Variants in LAMA5 observed in about 807,000 individuals in gnomAD.
The protein encoded by LAMA5 is laminin subunit alpha 5, also known as laminin subunit alpha-5.
In LAMA5, 260 loss-of-function variants were observed where a neutral mutation model predicts 433.4. The observed-to-expected ratio is 0.60, with a 90% CI of 0.54 to 0.66. The LOEUF is 0.66. LAMA5 is among the 30% of genes least tolerant of loss of function. The pLI, the probability that LAMA5 is intolerant of heterozygous loss-of-function variation, is 0.00. For synonymous variants in LAMA5, 2,620 were observed against 2,226.6 expected, an observed-to-expected ratio of 1.18 and a Z score of -4.97; for missense variants, 5,378 against 5,258.5, an observed-to-expected ratio of 1.02 and a Z score of -0.70.
At chr20:62,329,721 G>A in intron 32 of LAMA5, 56 bp downstream of exon 32, 2 of 1,597,054 alleles carry the variant, frequency 1.3e-6, no homozygotes, top group African/African-American at 2.7e-5. Context: ...TACCACAGTG[G>A]TAATGACAAG....
chr20:62,316,869 T>C lies in LAMA5; in HGVS notation c.7653+13A>G, dbSNP rs1375066170. The C allele has an allele frequency of 8.5e-6, 13 of 1,531,082 alleles. No individual in the cohort carries two copies. Among genetic ancestry groups the C allele is most frequent in the Non-Finnish European group, 1.1e-5 (13 of 1,138,264 alleles). 94.8% of individuals were successfully genotyped at this position (1,531,082 alleles called of 1,614,324 possible). On this transcript the variant is annotated intron_variant, in intron 56 of 79. Coordinates refer to ENST00000252999, the MANE Select transcript of LAMA5 (RefSeq NM_005560.6). Reference sequence around the variant, plus strand: ...CGCTCCTGCTGGGGCTGAGGGGAAGTGAGGGGCCTCACCGCCCACGTGTGG... The same window carrying C: ...CGCTCCTGCTGGGGCTGAGGGGAAGCGAGGGGCCTCACCGCCCACGTGTGG...
chr20:62,309,603 T>TGGGAGGAGGGTGGGAGGGGACAGG, intron 79 of LAMA5, 113 bp downstream of exon 79: 2 of 283,608 alleles, frequency 7.1e-6, no homozygotes, highest in Non-Finnish European at 1.2e-5. Flanking sequence ...GGTAGGGGGG[T>TGGGAGGAGGGTGGGAGGGGACAGG]GGGAGGAGGG....
chr20:62,346,081 G>A lies in LAMA5; in HGVS notation c.1417C>T (p.Pro473Ser), dbSNP rs763306621. 4.9e-5 allele frequency: 79 copies of A among 1,612,934 alleles called. No homozygotes were observed. The highest frequency in any genetic ancestry group is 3.3e-4 in the Middle Eastern group (2 of 6,058). ...TTGGATGCCCCTGGCAGGTGCTCAC[G>A]GTAGCAGCTTGGGAAGCCCGTGAAG... ...EGFTGFPSCY[P>S]TPSSSNDTRE... Residue 473 changes from proline to serine, a missense_variant and splice_region_variant, in exon 10 of 80, where the codon CCG (proline) becomes TCG (serine). Transcript: ENST00000252999.
In LAMA5 at chr20:62,351,723, C is replaced by A; in HGVS notation, c.937G>T (p.Asp313Tyr). ...HGHADACDAK[D>Y]PTDPFRLQCT... ...CCTCACCTGAACGGGTCCGTGGGGT[C>A]TTTGGCATCGCAGGCATCCGCGTGG... The change falls in exon 6 of 80, where the codon GAC (aspartate) becomes TAC (tyrosine). Residue 313 changes from aspartate to tyrosine, a missense_variant. Coordinates refer to ENST00000252999, the MANE Select transcript of LAMA5 (RefSeq NM_005560.6). 6.2e-7 allele frequency: 1 copy of A among 1,611,920 alleles called. No individual in the cohort carries two copies. The highest frequency in any genetic ancestry group is 8.5e-7 in the Non-Finnish European group (1 of 1,179,798).
At position 62,311,504 on chromosome 20, in the gene LAMA5, T is replaced by C; in HGVS notation, c.9839A>G (p.Gln3280Arg). The C allele has an allele frequency of 1.2e-6, 2 of 1,611,296 alleles. No homozygotes were observed. ...CACATTGACGCTGCCCAGGTTCTGC[T>C]GCAGATCAAATACGCGCTGTGGGCC... is the stretch of plus-strand genomic sequence containing the variant. ...LLGPQRVFDL[Q>R]QNLGSVNVST... Residue 3280 changes from glutamine to arginine, a missense_variant, in exon 72 of 80, where the codon CAG becomes CGG. Physicochemically the swap from Gln to Arg is conservative, Grantham distance 43. Transcript: ENST00000252999.
At position 62,326,220 on chromosome 20, in the gene LAMA5, A is replaced by AAAAC. The variant is rs1433370443; in HGVS notation, c.5298+453_5298+456dup. ...GGGCGACAGAGCAAGACTGTCTCAA[A>AAAAC]AAACAAACAAACAAAAAAAAAAAAA... On this transcript the variant is annotated intron_variant, in intron 40 of 79. Transcript: ENST00000252999. 6.6e-4 allele frequency among the ~76,000 whole-genome samples: 51 copies of AAAAC among 77,378 alleles called. 1 individual carries two copies. Among genetic ancestry groups the AAAAC allele is most frequent in the African/African-American group, 1.4e-3 (40 of 27,814 alleles). 50.8% of individuals were successfully genotyped at this position (77,378 alleles called of 152,430 possible).
chr20:62,341,462 G>A (rs575794833), intron 11 of LAMA5, among the ~76,000 whole-genome samples: 92 of 152,298 alleles, frequency 6.0e-4, no homozygotes, highest in African/African-American at 2.1e-3. Context: ...GTCCTGTGTT[G>A]TAGGAGGTTC....
At position 62,311,270 on chromosome 20, in the gene LAMA5, G is replaced by C; in HGVS notation, c.9980C>G (p.Ala3327Gly). 6.2e-7 allele frequency: 1 copy of C among 1,602,052 alleles called. No homozygotes were observed. ...RRSRQPARHP[A>G]CMLPPHLRTT... is the part of the protein sequence containing the mutation. ...CCTGAGGTGTGGGGGCAGCATGCAG[G>C]CAGGATGCCGGGCGGGCTGACGGCT... Residue 3327 changes from alanine to glycine, a missense_variant, in exon 73 of 80, where the codon GCC becomes GGC. By Grantham distance (60) the Ala-to-Gly change is moderately conservative. Coordinates refer to ENST00000252999, the MANE Select transcript of LAMA5 (RefSeq NM_005560.6).
In LAMA5 at chr20:62,311,553, G is replaced by T. The variant is rs374979489; in HGVS notation, c.9807-17C>A. The T allele has an allele frequency of 1.6e-5, 26 of 1,609,490 alleles. No individual in the cohort carries two copies. In the Middle Eastern group the frequency reaches 5.0e-4, roughly 31 times the overall value. ...CCCAGGAGCCTGTGCAGGGCGGGCA[G>T]GCGGTCAGCAGCTGCGGAAGGCCAG... On this transcript the variant is annotated splice_polypyrimidine_tract_variant and intron_variant, in intron 71 of 79. Transcript: ENST00000252999.
At position 62,318,941 on chromosome 20, in the gene LAMA5, G is replaced by A. The variant is rs550786315; in HGVS notation, c.6944C>T (p.Thr2315Ile). Residue 2315 changes from threonine to isoleucine, a missense_variant, in exon 52 of 80, where the codon ACA becomes ATA. Physicochemically the swap from Thr to Ile is moderately conservative, Grantham distance 89. Coordinates refer to ENST00000252999, the MANE Select transcript of LAMA5 (RefSeq NM_005560.6). Reference sequence around the variant, plus strand: ...GAGCAGCCGCTCCACCTCGGCCAGTGTCCGGAGCAGCTGCTCACCTGATGG... The same window carrying A: ...GAGCAGCCGCTCCACCTCGGCCAGTATCCGGAGCAGCTGCTCACCTGATGG... ...SAPSGEQLLR[T>I]LAEVERLLWE... is the part of the protein sequence containing the mutation. 1.3e-5 allele frequency: 21 copies of A among 1,598,104 alleles called. No homozygotes were observed. In the East Asian group the frequency reaches 2.9e-4, roughly 22 times the overall value.
intron 18 of LAMA5, 152 bp downstream of exon 18, chr20:62,336,188 G>A (rs1981592613): frequency 1.9e-6 from 1 of 536,342 alleles, no homozygotes; most frequent in Non-Finnish European, 3.3e-6. Context: ...TACAATCCCC[G>A]AGGAACCCCA....
chr20:62,333,204 G>A lies in LAMA5; in HGVS notation c.3168C>T (p.Pro1056=), dbSNP rs759677737. ...LYTHLPLDGF[P]SAAGLEALCR... is the part of the protein sequence containing the mutation. Reference sequence around the variant, plus strand: ...ACAGGGCCTCCAGCCCGGCGGCCGAGGGGAAGCCATCCAGGGGGAGGTGTG... The same window carrying A: ...ACAGGGCCTCCAGCCCGGCGGCCGAAGGGAAGCCATCCAGGGGGAGGTGTG... Residue 1056 remains proline, a synonymous_variant, in exon 26 of 80, where the codon CCC becomes CCT. Transcript: ENST00000252999. The A allele has an allele frequency of 1.7e-5, 26 of 1,523,082 alleles. No individual in the cohort carries two copies. The highest frequency in any genetic ancestry group is 2.2e-5 in the Non-Finnish European group (25 of 1,135,200). The allele number at this position is 1,523,082 out of a possible 1,614,324, so 94.3% of individuals were successfully genotyped here.
chr20:62,356,652 G>C (rs546256481), intron 2 of LAMA5, among the ~76,000 whole-genome samples: 1 of 152,148 alleles, frequency 6.6e-6, no homozygotes, highest in Non-Finnish European at 1.5e-5. Flanking sequence ...GCCTCACAGG[G>C]GGTGGGCAAG....
chr20:62,352,856 C>T (rs975599892), intron 3 of LAMA5: 59 of 423,494 alleles, frequency 1.4e-4, no homozygotes, highest in Non-Finnish European at 1.7e-4. Context: ...TTTGTCACCA[C>T]GGGAGCTGCC....
chr20:62,338,320 G>C lies in LAMA5; in HGVS notation c.1668C>G (p.Asp556Glu). The C allele has an allele frequency of 6.2e-7, 1 of 1,608,268 alleles. No individual in the cohort carries two copies. The highest frequency in any genetic ancestry group is 2.2e-5 in the East Asian group (1 of 44,706). ...CCACTCGGCACCTGCACTGGCCTGTGTCAGGGTCACAGCGGTCATCGGCCA... is the reference window on the plus strand; with the variant it reads ...CCACTCGGCACCTGCACTGGCCTGTCTCAGGGTCACAGCGGTCATCGGCCA... ...PGVADDRCDPDTGQCRCRVGF... is the reference protein window; with the variant it reads ...PGVADDRCDPETGQCRCRVGF... The change falls in exon 13 of 80, where the codon GAC becomes GAG. Residue 556 changes from aspartate to glutamate, a missense_variant. Transcript: ENST00000252999.
rs202119339 is a variant in LAMA5, at chr20:62,314,320, C to G, written c.8488G>C (p.Ala2830Pro). ...GCCTCCCACCTGTCCAGGCTGACAG[C>G]TGCGAACTGCTCCCCAATGTCCTCA... ...IDEDIGEQFA[A>P]VSLDRTLQFG... Residue 2830 changes from alanine to proline, a missense_variant, in exon 62 of 80, where the codon GCT becomes CCT. Coordinates refer to ENST00000252999, the MANE Select transcript of LAMA5 (RefSeq NM_005560.6). 1 of 1,613,084 alleles carries G rather than the reference C, an allele frequency of 6.2e-7. No homozygotes were observed. Among genetic ancestry groups the G allele is most frequent in the African/African-American group, 1.3e-5 (1 of 74,874 alleles).
rs376781670 is a variant in LAMA5, at chr20:62,337,920, C to T, written c.1910G>A (p.Arg637Gln). Residue 637 changes from arginine to glutamine, a missense_variant, in exon 15 of 80, where the codon CGG becomes CAG. Coordinates refer to ENST00000252999, the MANE Select transcript of LAMA5 (RefSeq NM_005560.6). Reference protein sequence around the residue: ...PNCQACTCDPRGALDQLCGAG... With the variant: ...PNCQACTCDPQGALDQLCGAG... ...CCCACAGAGCTGGTCCAGGGCTCCCCGAGGGTCGCAGGTGCATGCTGCAGA... is the reference window on the plus strand; with the variant it reads ...CCCACAGAGCTGGTCCAGGGCTCCCTGAGGGTCGCAGGTGCATGCTGCAGA... The T allele has an allele frequency of 9.9e-5, 159 of 1,610,296 alleles. 1 individual carries two copies. Among genetic ancestry groups the T allele is most frequent in the African/African-American group, 4.1e-4 (31 of 74,848 alleles).
intron 31 of LAMA5, 80 bp downstream of exon 31, chr20:62,330,405 GGTA>G: frequency 2.8e-6 from 4 of 1,441,792 alleles, no homozygotes; most frequent in Non-Finnish European, 3.7e-6. Context: ...GCTCATAGCA[GGTA>G]GCACAGGCCA....
At position 62,352,071 on chromosome 20, in the gene LAMA5, C is replaced by T. The variant is rs763890097; in HGVS notation, c.696G>A (p.Val232=). 10 of 1,611,714 alleles carry T rather than the reference C, an allele frequency of 6.2e-6. No individual in the cohort carries two copies. The highest frequency in any genetic ancestry group is 8.5e-6 in the Non-Finnish European group (10 of 1,179,814). Residue 232 remains valine, a synonymous_variant, in exon 5 of 80, where the codon GTG becomes GTA. Coordinates refer to ENST00000252999, the MANE Select transcript of LAMA5 (RefSeq NM_005560.6). The stretch of plus-strand genomic sequence containing the variant: ...CGCCCGGACGTCCGTTCACCAGGGA[C>T]ACCACGATCTGTGGGCAGTATGCGG... ...IVPLENGEIV[V]SLVNGRPGAM... is the part of the protein sequence containing the mutation.
Sources: gnomAD v4.1 joint callset for allele counts (sites outside exome capture counted in the v4.1 genomes callset) on GRCh38, gnomAD v4.1.1 for gene constraint, MANE v1.5 for transcripts, NCBI Gene and HGNC (gene_info 2026-07-23, HGNC 2026-07-21) for gene names.